The following TGFBRAP1 variants were observed in gnomAD, a reference collection of about 807,000 sequenced individuals.
TGFBRAP1 encodes the protein transforming growth factor beta receptor associated protein 1.
A neutral mutation model predicts 83.2 loss-of-function variants in TGFBRAP1; 20 were observed. The ratio of observed to expected loss-of-function variants is 0.24; its 90% CI spans 0.17 to 0.35. The LOEUF (loss-of-function observed/expected upper bound fraction) is 0.35. Ranked by LOEUF, TGFBRAP1 falls within the 10% of genes least tolerant of loss-of-function variation. TGFBRAP1 has a pLI of 1.00. For synonymous variants in TGFBRAP1, 415 were observed against 459.8 expected, an observed-to-expected ratio of 0.90 and a Z score of 1.25; for missense variants, 950 against 1,099.4, an observed-to-expected ratio of 0.86 and a Z score of 1.92.
At chr2:105,285,412 C>T (rs193010605) in intron 4 of TGFBRAP1, among the ~76,000 whole-genome samples, 32 of 152,354 alleles carry the variant, frequency 2.1e-4, no homozygotes, top group African/African-American at 7.0e-4. Context: ...CCCCATCTTA[C>T]AGGTACAAAA....
intron 1 of TGFBRAP1, among the ~76,000 whole-genome samples, chr2:105,323,883 T>C (rs1485468406): frequency 6.6e-6 from 1 of 152,156 alleles, no homozygotes. Flanking sequence ...CTATAGATTG[T>C]GAAGGTGATT....
intron 2 of TGFBRAP1, among the ~76,000 whole-genome samples, chr2:105,306,672 C>A (rs1678509793): frequency 6.6e-6 from 1 of 151,994 alleles, no homozygotes; most frequent in South Asian, 2.1e-4. Context: ...GTGGTGCATG[C>A]CTGAAATCTC....
At chr2:105,286,107 G>A (rs562842511) in intron 4 of TGFBRAP1, among the ~76,000 whole-genome samples, 24 of 152,288 alleles carry the variant, frequency 1.6e-4, no homozygotes, top group Non-Finnish European at 2.5e-4. Flanking sequence ...AATGGCATCC[G>A]CTCTTCCTCT....
At chr2:105,262,610 G>T (rs1676815401), downstream of TGFBRAP1, among the ~76,000 whole-genome samples, 1 of 152,214 alleles carries the variant, frequency 6.6e-6, no homozygotes, top group African/African-American at 2.4e-5. Flanking sequence ...GACTTGCTGA[G>T]GACCACAGCC....
intron 10 of TGFBRAP1, 102 bp downstream of exon 10, chr2:105,272,753 T>A: frequency 6.9e-7 from 1 of 1,439,726 alleles, no homozygotes; most frequent in Non-Finnish European, 9.5e-7. Context: ...AATCACCCTG[T>A]GCAATCAACC....
intron 8 of TGFBRAP1, 71 bp from the exon 9 acceptor site, chr2:105,273,761 T>C (rs1677240730): frequency 1.9e-6 from 3 of 1,556,910 alleles, no homozygotes; most frequent in South Asian, 1.2e-5. Flanking sequence ...ATTTTGGTCA[T>C]TGCACATTCA....
chr2:105,294,649 G>A (rs985746784), intron 4 of TGFBRAP1, among the ~76,000 whole-genome samples: 1 of 152,082 alleles, frequency 6.6e-6, no homozygotes, highest in African/African-American at 2.4e-5. Context: ...GTAATACAGG[G>A]AGAAGCGGGA....
At chr2:105,255,566 CT>C in the TGFBRAP1 span, among the ~76,000 whole-genome samples, 37,685 of 152,140 alleles carry the variant, frequency 0.25, 5,620 homozygotes, top group South Asian at 0.43. Flanking sequence ...AGCGGTCCTC[CT>C]CCCTTGGCCT....
intron 1 of TGFBRAP1, among the ~76,000 whole-genome samples, chr2:105,316,471 G>GCGCGCGCGCGCGCGCGCGCA (rs1558654679): frequency 9.5e-6 from 1 of 105,098 alleles, no homozygotes; most frequent in African/African-American, 3.3e-5. Context: ...GTGCGCGCGC[G>GCGCGCGCGCGCGCGCGCGCA]CGCGCGCGCA....
At position 105,329,676 on chromosome 2, in the gene TGFBRAP1, C is replaced by A. The variant is rs1220954231; in HGVS notation, c.-69G>T. The A allele has an allele frequency of 3.4e-5, 5 of 147,248 alleles. No individual in the cohort carries two copies. The highest frequency in any genetic ancestry group is 1.2e-4 in the African/African-American group (5 of 40,976). The allele number at this position is 147,248 out of a possible 1,614,324, so 9.1% of individuals were successfully genotyped here. On this transcript the variant is annotated 5_prime_UTR_variant, in exon 1 of 12. Transcript: ENST00000393359. ...CGCCCCGCGGCCTGGGGCCCCGCCG[C>A]CCCGCTCCGGCCCGCGGCTCCTGGG...
rs1373369401 is a variant in TGFBRAP1 at position 105,269,148 on chromosome 2, G to A, written c.2406+124C>T. ...GTTTCTATGAGTAGGATCAGATATT[G>A]ATGTGTTGTAGTCATAGAGACAGAA... is the stretch of plus-strand genomic sequence containing the variant. On this transcript the variant is annotated intron_variant, in intron 11 of 11. Transcript: ENST00000393359. The surrounding 1 kb of genome is among the most constrained non-coding windows in gnomAD (Gnocchi z 4.1). 1 of 1,207,650 alleles carries A rather than the reference G, an allele frequency of 8.3e-7. No individual in the cohort carries two copies. Among genetic ancestry groups the A allele is most frequent in the African/African-American group, 1.5e-5 (1 of 65,176 alleles). 74.8% of individuals were successfully genotyped at this position (1,207,650 alleles called of 1,614,324 possible).
chr2:105,303,074 G>A (rs1234337262), intron 2 of TGFBRAP1, among the ~76,000 whole-genome samples: 3 of 152,212 alleles, frequency 2.0e-5, no homozygotes, highest in African/African-American at 7.2e-5. Flanking sequence ...GTTGAAAGGA[G>A]ATACAGGTAC....
downstream of TGFBRAP1, among the ~76,000 whole-genome samples, chr2:105,263,734 A>C (rs1676840972): frequency 6.6e-6 from 1 of 152,060 alleles, no homozygotes; most frequent in Non-Finnish European, 1.5e-5. Flanking sequence ...ATATTTTTTA[A>C]ATTAGCTGGG....
downstream of TGFBRAP1, among the ~76,000 whole-genome samples, chr2:105,262,843 C>T (rs1023189047): frequency 6.6e-6 from 1 of 152,218 alleles, no homozygotes; most frequent in African/African-American, 2.4e-5. Flanking sequence ...AATTCAAGTG[C>T]TTATCTCCCA....
chr2:105,256,768 T>C, the TGFBRAP1 span, among the ~76,000 whole-genome samples: 2 of 152,284 alleles, frequency 1.3e-5, no homozygotes, highest in South Asian at 4.1e-4. Context: ...CTGGGCTGCA[T>C]TCCCAGATGG....
chr2:105,267,795 T>C (rs1298862532), intron 11 of TGFBRAP1: 1 of 985,480 alleles, frequency 1.0e-6, no homozygotes, highest in Non-Finnish European at 1.2e-6. Flanking sequence ...AAAGTAATTG[T>C]TGCTTGTCTG....
intron 4 of TGFBRAP1, 141 bp downstream of exon 4, chr2:105,296,215 T>C (rs1455590378): frequency 4.7e-6 from 5 of 1,062,382 alleles, no homozygotes; most frequent in Non-Finnish European, 4.0e-6. Flanking sequence ...CAATATGTAT[T>C]TGTTGAGAAA....
At chr2:105,261,469 G>A (rs1244909833), downstream of TGFBRAP1, among the ~76,000 whole-genome samples, 2 of 152,108 alleles carry the variant, frequency 1.3e-5, no homozygotes, top group Non-Finnish European at 2.9e-5. Context: ...AAGGCAAGGG[G>A]AGCCGGGCAC....
chr2:105,292,535 T>C lies in TGFBRAP1; in HGVS notation c.1038+3821A>G, dbSNP rs571706930. ...TCAAGGTAATCATTAAAACAAAAAATACAACACAAACATTCACATCAAAAG... is the reference window on the plus strand; with the variant it reads ...TCAAGGTAATCATTAAAACAAAAAACACAACACAAACATTCACATCAAAAG... On this transcript the variant is annotated intron_variant, in intron 4 of 11. Coordinates refer to ENST00000393359, the MANE Select transcript of TGFBRAP1 (RefSeq NM_004257.6). Among the ~76,000 whole-genome samples, 7 of 148,820 alleles carry C rather than the reference T, an allele frequency of 4.7e-5. No individual in the cohort carries two copies. The South Asian group carries it at 1.5e-3, about 32-fold the overall frequency.
Sources: gnomAD v4.1 joint callset for allele counts (sites outside exome capture counted in the v4.1 genomes callset) on GRCh38, gnomAD v4.1.1 for gene constraint, Gnocchi (gnomAD v3.1) non-coding constraint, MANE v1.5 for transcripts, NCBI Gene and HGNC (gene_info 2026-07-23, HGNC 2026-07-21) for gene names.